Variants in PRIM2 observed in about 807,000 individuals in gnomAD.
PRIM2 encodes the protein DNA primase subunit 2.
A neutral mutation model predicts 67.3 loss-of-function variants in PRIM2; 39 were observed. That is an observed-to-expected ratio of 0.58 (90% CI 0.45 to 0.76). The LOEUF is 0.76. PRIM2 is among the 30% of genes least tolerant of loss of function. The pLI, the probability that PRIM2 is intolerant of heterozygous loss-of-function variation, is 0.00. For synonymous variants in PRIM2, 143 were observed against 198.7 expected (o/e 0.72, Z 2.36); for missense variants, 398 against 598.7 (o/e 0.66, Z 3.50).
At chr6:57,396,075 A>G (rs1770505112) in intron 7 of PRIM2, among the ~76,000 whole-genome samples, 1 of 152,226 alleles carries the variant, frequency 6.6e-6, no homozygotes, top group Non-Finnish European at 1.5e-5. Flanking sequence ...ATGGCCTGTC[A>G]TATAGTCTAT....
chr6:57,456,291 T>C (rs1772777146), intron 7 of PRIM2, among the ~76,000 whole-genome samples: 2 of 152,216 alleles, frequency 1.3e-5, no homozygotes, highest in South Asian at 2.1e-4. Flanking sequence ...GAGGAGTATC[T>C]TTGTGGCATT....
intron 11 of PRIM2, among the ~76,000 whole-genome samples, chr6:57,604,230 G>A (rs1776521745): frequency 1.3e-5 from 2 of 152,090 alleles, no homozygotes; most frequent in Admixed American, 6.5e-5. Flanking sequence ...GGTTGCAGTT[G>A]GCTGAGATGG....
At chr6:57,305,296 C>A in the PRIM2 span, among the ~76,000 whole-genome samples, 1 of 152,174 alleles carries the variant, frequency 6.6e-6, no homozygotes, top group African/African-American at 2.4e-5. Flanking sequence ...AGGATTACAT[C>A]ATAAAGTGTA....
intron 7 of PRIM2, among the ~76,000 whole-genome samples, chr6:57,497,909 G>C (rs1554346522): frequency 6.6e-6 from 1 of 152,154 alleles, no homozygotes; most frequent in Non-Finnish European, 1.5e-5. Flanking sequence ...TTGGTTCCAG[G>C]AGCAAGGGGA....
chr6:57,458,685 C>G (rs1385527822), intron 7 of PRIM2, among the ~76,000 whole-genome samples: 3 of 152,030 alleles, frequency 2.0e-5, no homozygotes, highest in Non-Finnish European at 4.4e-5. Context: ...AACTCTGTCT[C>G]AAAAAAGACA....
intron 10 of PRIM2, among the ~76,000 whole-genome samples, chr6:57,554,890 A>G (rs1186466680): frequency 6.6e-6 from 1 of 152,242 alleles, no homozygotes; most frequent in Non-Finnish European, 1.5e-5. Flanking sequence ...CCTTCCAGCC[A>G]GATCATTTGC....
chr6:57,615,595 A>T (rs1776742071), intron 12 of PRIM2, among the ~76,000 whole-genome samples: 1 of 152,074 alleles, frequency 6.6e-6, no homozygotes, highest in Non-Finnish European at 1.5e-5. Context: ...GCTATGTCCT[A>T]TTTTAATAGA....
Position 57,442,876 on chromosome 6 carries a change from GA to G in PRIM2, c.693+60718del, listed in dbSNP as rs564261171. Among the ~76,000 whole-genome samples the G allele has an allele frequency of 1.8e-3, 264 of 149,798 alleles. 6 individuals carry two copies. The highest frequency in any genetic ancestry group is 0.016 in the East Asian group (82 of 5,134). On this transcript the variant is annotated intron_variant, in intron 7 of 13. Transcript: ENST00000615550. ...ATCATGCTGTGCAAGAGGACTCAAA[GA>G]AAAAAAAAATTTCTCTTAACTGATA...
chr6:57,561,886 A>G (rs1775639032), intron 10 of PRIM2, among the ~76,000 whole-genome samples: 1 of 152,126 alleles, frequency 6.6e-6, no homozygotes, highest in Non-Finnish European at 1.5e-5. Context: ...CTTCCTCACT[A>G]GCCTAATAAT....
At chr6:57,328,609 A>T (rs1767952321) in intron 5 of PRIM2, among the ~76,000 whole-genome samples, 1 of 152,240 alleles carries the variant, frequency 6.6e-6, no homozygotes, top group African/African-American at 2.4e-5. Flanking sequence ...GCTATTATGA[A>T]TAACGCTACA....
intron 11 of PRIM2, among the ~76,000 whole-genome samples, chr6:57,602,172 G>A (rs1241552661): frequency 6.6e-6 from 1 of 151,274 alleles, no homozygotes; most frequent in African/African-American, 2.4e-5. Flanking sequence ...CAATTCTCCT[G>A]CCTCAGCCTC....
chr6:57,372,685 A>G (rs1413591604), intron 5 of PRIM2, among the ~76,000 whole-genome samples: 1 of 152,214 alleles, frequency 6.6e-6, no homozygotes, highest in Non-Finnish European at 1.5e-5. Context: ...GCTCCCACTT[A>G]TAAATGAGAA....
At chr6:57,370,630 T>G (rs1769515593) in intron 5 of PRIM2, among the ~76,000 whole-genome samples, 1 of 151,982 alleles carries the variant, frequency 6.6e-6, no homozygotes, top group African/African-American at 2.4e-5. Context: ...ATTTAGAGTG[T>G]GTTTGCTTAC....
chr6:57,339,553 A>G (rs1461310092), intron 5 of PRIM2, among the ~76,000 whole-genome samples: 3 of 152,200 alleles, frequency 2.0e-5, no homozygotes, highest in Admixed American at 6.5e-5. Flanking sequence ...ATAACGCTGC[A>G]TATCTACAAC....
At chr6:57,426,934 T>C (rs1771651859) in intron 7 of PRIM2, among the ~76,000 whole-genome samples, 1 of 152,218 alleles carries the variant, frequency 6.6e-6, no homozygotes, top group East Asian at 1.9e-4. Flanking sequence ...TTCATATAAT[T>C]AATACATTAA....
At position 57,326,062 on chromosome 6, in the gene PRIM2, A is replaced by G. The variant is rs564094520; in HGVS notation, c.459+17A>G. ...TTTGAGGCTGTAAGTATATTTTTGT[A>G]GTTATTTCTAATTGTTCTCACCATT... On this transcript the variant is annotated intron_variant, in intron 5 of 13. Transcript: ENST00000615550. 6 of 1,608,210 alleles carry G rather than the reference A, an allele frequency of 3.7e-6. No homozygotes were observed. In the Admixed American group the frequency reaches 1.0e-4, roughly 27 times the overall value.
At chr6:57,498,788 CTTG>C (rs1355315264) in intron 7 of PRIM2, among the ~76,000 whole-genome samples, 4 of 152,160 alleles carry the variant, frequency 2.6e-5, no homozygotes, top group Non-Finnish European at 5.9e-5. Context: ...AAGCCACCCT[CTTG>C]TTCTTCATTT....
intron 7 of PRIM2, among the ~76,000 whole-genome samples, chr6:57,457,010 A>G (rs1772813982): frequency 6.6e-6 from 1 of 152,334 alleles, no homozygotes; most frequent in South Asian, 2.1e-4. Context: ...TCTAACAGTC[A>G]GGACCCTCAG....
chr6:57,560,009 CATTG>C (rs1165990043), intron 10 of PRIM2, among the ~76,000 whole-genome samples: 1 of 152,136 alleles, frequency 6.6e-6, no homozygotes, highest in African/African-American at 2.4e-5. Context: ...AAGTTTGCTG[CATTG>C]ATTGACGTTT....
Sources: allele counts gnomAD v4.1 joint callset (sites outside exome capture counted in the v4.1 genomes callset), GRCh38; gene constraint gnomAD v4.1.1; transcripts MANE v1.5; gene names NCBI Gene and HGNC (gene_info 2026-07-23, HGNC 2026-07-21).